The following ABL1 variants were observed in gnomAD, a reference collection of about 807,000 sequenced individuals.
ABL1 encodes tyrosine-protein kinase ABL1.
In ABL1, 11 loss-of-function variants were observed where a neutral mutation model predicts 94.7. The ratio of observed to expected loss-of-function variants is 0.12; its 90% CI spans 0.07 to 0.19. The LOEUF (loss-of-function observed/expected upper bound fraction) is 0.19, where lower values mean the gene tolerates loss of function less well. ABL1 is among the 10% of genes least tolerant of loss of function. ABL1 has a pLI of 1.00. For synonymous variants in ABL1, 656 were observed against 622.4 expected, an observed-to-expected ratio of 1.05 and a Z score of -0.80; for missense variants, 1,082 against 1,489.4, an observed-to-expected ratio of 0.73 and a Z score of 4.50.
At chr9:130,769,030 G>A (rs1418815307) in intron 1 of ABL1, among the ~76,000 whole-genome samples, 1 of 152,170 alleles carries the variant, frequency 6.6e-6, no homozygotes, top group Non-Finnish European at 1.5e-5. Context: ...GAGTGGAATG[G>A]ATCGGGGTGG....
At chr9:130,730,332 G>A (rs373179841) in intron 1 of ABL1, among the ~76,000 whole-genome samples, 3 of 152,048 alleles carry the variant, frequency 2.0e-5, no homozygotes, top group African/African-American at 4.8e-5. Context: ...GTGAGTCACC[G>A]CGCCTAGCCT....
intron 1 of ABL1, among the ~76,000 whole-genome samples, chr9:130,760,228 A>G (rs1231221619): frequency 2.6e-5 from 4 of 152,018 alleles, no homozygotes; most frequent in Admixed American, 2.0e-4. Flanking sequence ...TGCTGTTGGG[A>G]TGTCATTTTG....
chr9:130,857,846 T>A (rs186762130), intron 3 of ABL1, among the ~76,000 whole-genome samples: 1 of 152,294 alleles, frequency 6.6e-6, no homozygotes, highest in East Asian at 1.9e-4. Flanking sequence ...CCTGTGTGAC[T>A]AGACGTGGGC....
intron 8 of ABL1, among the ~76,000 whole-genome samples, chr9:130,879,849 G>A (rs1831422032): frequency 6.6e-6 from 1 of 152,140 alleles, no homozygotes; most frequent in East Asian, 1.9e-4. Context: ...GTCTCTCTGG[G>A]GTTTTACAAT....
chr9:130,827,101 C>G (rs1010780713), intron 1 of ABL1, among the ~76,000 whole-genome samples: 1 of 152,100 alleles, frequency 6.6e-6, no homozygotes, highest in Non-Finnish European at 1.5e-5. Context: ...AAAAGAAATG[C>G]CCCGTAGAGG....
intron 1 of ABL1, among the ~76,000 whole-genome samples, chr9:130,770,830 C>T (rs1716133158): frequency 6.6e-6 from 1 of 151,990 alleles, no homozygotes; most frequent in African/African-American, 2.4e-5. Flanking sequence ...GGTTGTAGAC[C>T]CGGTACTATC....
At position 130,885,536 on chromosome 9, in the gene ABL1, C is replaced by T. The variant is rs2133040613; in HGVS notation, c.3246C>T (p.Ala1082=). ...TCCAGCAAATGAGGAACAAGTTTGCCTTCCGAGAGGCCATCAACAAACTGG... is the reference window on the plus strand; with the variant it reads ...TCCAGCAAATGAGGAACAAGTTTGCTTTCCGAGAGGCCATCAACAAACTGG... ...DSIQQMRNKF[A]FREAINKLEN... is the part of the protein sequence containing the mutation. The change falls in exon 11 of 11, where the codon GCC becomes GCT. Residue 1082 remains alanine (A), a synonymous_variant. Transcript: ENST00000318560. The T allele has an allele frequency of 6.2e-7, 1 of 1,614,160 alleles. No individual in the cohort carries two copies. Among genetic ancestry groups the T allele is most frequent in the Non-Finnish European group, 8.5e-7 (1 of 1,180,044 alleles).
intron 1 of ABL1, among the ~76,000 whole-genome samples, chr9:130,778,562 G>T (rs1451262609): frequency 6.6e-6 from 1 of 151,986 alleles, no homozygotes; most frequent in Non-Finnish European, 1.5e-5. Context: ...CACTGCACTT[G>T]CCATCTTCAT....
chr9:130,808,249 T>TCTTCTTC (rs199526867), intron 1 of ABL1, among the ~76,000 whole-genome samples: 17 of 141,458 alleles, frequency 1.2e-4, no homozygotes, highest in Non-Finnish European at 2.2e-4. Flanking sequence ...TTCTTCTTCT[T>TCTTCTTC]TTTTTTTTTT....
intron 1 of ABL1, among the ~76,000 whole-genome samples, chr9:130,813,211 C>G (rs144219250): frequency 1.3e-3 from 195 of 149,256 alleles, no homozygotes; most frequent in African/African-American, 4.7e-3. Flanking sequence ...GACTCCGTCT[C>G]GAAAAAAACA....
chr9:130,779,755 T>A (rs999288494), intron 1 of ABL1, among the ~76,000 whole-genome samples: 1 of 152,168 alleles, frequency 6.6e-6, no homozygotes, highest in South Asian at 2.1e-4. Flanking sequence ...TTAAAACAAA[T>A]GTCATACTCT....
In ABL1 at chr9:130,880,249, A is replaced by T. The variant is rs35270714; in HGVS notation, c.1513+92A>T. ...GTCATTCGGTTCACTTCCTGGTGAA[A>T]GTTCACAGACCAGCCTGTCCTGAGA... is the stretch of plus-strand genomic sequence containing the variant. On this transcript the variant is annotated intron_variant, in intron 9 of 10. Coordinates refer to ENST00000318560, the MANE Select transcript of ABL1 (RefSeq NM_005157.6). The surrounding 1 kb of genome is among the most constrained non-coding windows in gnomAD (Gnocchi z 4.4). 1.4e-6 allele frequency: 2 copies of T among 1,385,112 alleles called. No homozygotes were observed. Among genetic ancestry groups the T allele is most frequent in the African/African-American group, 2.8e-5 (2 of 70,270 alleles). The allele number at this position is 1,385,112 out of a possible 1,614,324, so 85.8% of individuals were successfully genotyped here.
intron 1 of ABL1, among the ~76,000 whole-genome samples, chr9:130,837,527 T>TATA (rs1830607132): frequency 1.3e-5 from 2 of 151,044 alleles, no homozygotes; most frequent in South Asian, 4.2e-4. Context: ...TGAAATGAAT[T>TATA]ATAATGTTGA....
intron 1 of ABL1, among the ~76,000 whole-genome samples, chr9:130,784,822 G>A (rs1423858270): frequency 4.6e-5 from 7 of 152,146 alleles, no homozygotes; most frequent in Admixed American, 2.0e-4. Flanking sequence ...GCTACAGGAG[G>A]CTTAGAGTGC....
chr9:130,787,740 C>T (rs551707581), intron 1 of ABL1, among the ~76,000 whole-genome samples: 2 of 152,174 alleles, frequency 1.3e-5, no homozygotes, highest in African/African-American at 2.4e-5. Flanking sequence ...TCTAGTGTTA[C>T]ACCAGCCCAT....
chr9:130,837,240 A>G (rs1830602908), intron 1 of ABL1, among the ~76,000 whole-genome samples: 1 of 152,178 alleles, frequency 6.6e-6, no homozygotes, highest in East Asian at 1.9e-4. Flanking sequence ...CAATTAATAC[A>G]TCGCTTATTT....
At chr9:130,737,188 C>T (rs901753914) in intron 1 of ABL1, among the ~76,000 whole-genome samples, 3 of 152,132 alleles carry the variant, frequency 2.0e-5, no homozygotes, top group Non-Finnish European at 2.9e-5. Context: ...AGGGAGGACA[C>T]TCTGACCATA....
At chr9:130,815,730 A>G (rs1289118402) in intron 1 of ABL1, among the ~76,000 whole-genome samples, 2 of 152,106 alleles carry the variant, frequency 1.3e-5, no homozygotes, top group Non-Finnish European at 2.9e-5. Flanking sequence ...CCTTCTAAAT[A>G]AACACCAGAG....
At chr9:130,765,635 G>C (rs1832173510) in intron 1 of ABL1, among the ~76,000 whole-genome samples, 1 of 152,286 alleles carries the variant, frequency 6.6e-6, no homozygotes. Context: ...AACAGTGACG[G>C]ATCAGTATTC....
Sources: allele counts gnomAD v4.1 joint callset (sites outside exome capture counted in the v4.1 genomes callset), GRCh38; gene constraint gnomAD v4.1.1; non-coding constraint Gnocchi (gnomAD v3.1); transcripts MANE v1.5; gene names NCBI Gene and HGNC (gene_info 2026-07-23, HGNC 2026-07-21).